The following DAAM1 variants were observed in gnomAD, a reference collection of about 807,000 sequenced individuals.
DAAM1 encodes the protein disheveled-associated activator of morphogenesis 1.
DAAM1 carries 52 observed loss-of-function variants against 130.0 expected under a neutral mutation model. The observed-to-expected ratio is 0.40, with a 90% confidence interval of 0.32 to 0.50. The LOEUF is 0.50. DAAM1 is among the 20% of genes least tolerant of loss of function. The pLI is 0.61. For synonymous variants in DAAM1, 452 were observed against 444.5 expected (o/e 1.02, Z -0.21); for missense variants, 1,134 against 1,303.8 (o/e 0.87, Z 2.01).
At chr14:59,293,219 C>G (rs978341359) in intron 3 of DAAM1, among the ~76,000 whole-genome samples, 8 of 152,182 alleles carry the variant, frequency 5.3e-5, no homozygotes, top group African/African-American at 1.9e-4. Flanking sequence ...AAAATAGGAG[C>G]AGCTTACTGA....
intron 2 of DAAM1, among the ~76,000 whole-genome samples, chr14:59,269,335 A>G (rs1045163679): frequency 2.6e-5 from 4 of 152,218 alleles, no homozygotes; most frequent in Non-Finnish European, 5.9e-5. Flanking sequence ...TCTTGGGAAC[A>G]TGCACAGCTC....
chr14:59,295,955 G>A (rs1316610655), intron 3 of DAAM1, among the ~76,000 whole-genome samples: 2 of 152,084 alleles, frequency 1.3e-5, no homozygotes, highest in Non-Finnish European at 2.9e-5. Context: ...TTTGGGAGAG[G>A]GAACCAGTAA....
rs538192178 is a variant in DAAM1, at chr14:59,287,506, G to A, written c.184-3711G>A. On this transcript the variant is annotated intron_variant, in intron 2 of 24. Coordinates refer to ENST00000360909, the MANE Select transcript of DAAM1 (RefSeq NM_001270520.2). ...AAGTCAAACTGTGTCTCTTTATGAT[G>A]TGTTTCTATACCTAGAAAACCCCAT... Among the ~76,000 whole-genome samples the A allele has an allele frequency of 1.2e-4, 18 of 152,128 alleles. No individual in the cohort carries two copies. In the South Asian group the frequency reaches 2.5e-3, roughly 21 times the overall value.
intron 4 of DAAM1, among the ~76,000 whole-genome samples, chr14:59,317,818 A>G (rs1884847406): frequency 6.6e-6 from 1 of 152,092 alleles, no homozygotes; most frequent in African/African-American, 2.4e-5. Flanking sequence ...CTCCTTTCCA[A>G]TTTGCCTCTC....
In DAAM1 at chr14:59,262,653, A is replaced by AGTGTGT. The variant is rs5809025; in HGVS notation, c.-37-747_-37-742dup. 8.8e-3 allele frequency among the ~76,000 whole-genome samples: 1,237 copies of AGTGTGT among 140,812 alleles called. 11 individuals carry two copies. Among genetic ancestry groups the AGTGTGT allele is most frequent in the African/African-American group, 0.01 (390 of 38,590 alleles). 92.4% of individuals were successfully genotyped at this position (140,812 alleles called of 152,430 possible). A position where few individuals can be genotyped will look rare whatever the true frequency, so the allele number is the denominator to read the frequency against. Reference sequence around the variant, plus strand: ...TTAAATGAGTGTATAATATTCTATTAGTGTGTGTGTGTGTGTGTGTGTGTG... The same window carrying AGTGTGT: ...TTAAATGAGTGTATAATATTCTATTAGTGTGTGTGTGTGTGTGTGTGTGTGTGTGTG... On this transcript the variant is annotated intron_variant, in intron 1 of 24. Coordinates refer to ENST00000360909, the MANE Select transcript of DAAM1 (RefSeq NM_001270520.2).
chr14:59,262,688 G>A (rs867060282), intron 1 of DAAM1, among the ~76,000 whole-genome samples: 104 of 126,604 alleles, frequency 8.2e-4, no homozygotes, highest in African/African-American at 3.6e-3. Flanking sequence ...GTGTGTGTGT[G>A]TGTGTGTGTG....
At chr14:59,194,045 G>A (rs867864089) in intron 1 of DAAM1, among the ~76,000 whole-genome samples, 15 of 150,690 alleles carry the variant, frequency 1.0e-4, no homozygotes, top group South Asian at 8.3e-4. Flanking sequence ...GCACAGAGAA[G>A]TTAAAGAACT....
chr14:59,363,871 C>T, intron 23 of DAAM1, 89 bp downstream of exon 23: 1 of 1,548,904 alleles, frequency 6.5e-7, no homozygotes, highest in South Asian at 1.2e-5. Flanking sequence ...CGGGAAATAG[C>T]AGGAGTGAGA....
intron 2 of DAAM1, among the ~76,000 whole-genome samples, chr14:59,282,394 A>G (rs906685786): frequency 6.6e-6 from 1 of 152,224 alleles, no homozygotes; most frequent in Non-Finnish European, 1.5e-5. Context: ...TATCAGGAAT[A>G]TATGACTATT....
At chr14:59,242,819 G>T (rs886874294) in intron 1 of DAAM1, among the ~76,000 whole-genome samples, 4 of 152,146 alleles carry the variant, frequency 2.6e-5, no homozygotes, top group Non-Finnish European at 4.4e-5. Flanking sequence ...CTCCCAAAGT[G>T]CTGGGATTAC....
At position 59,331,299 on chromosome 14, in the gene DAAM1, C is replaced by T. The variant is rs1566707873; in HGVS notation, c.1651C>T (p.Pro551Ser). 1 of 1,611,650 alleles carries T rather than the reference C, an allele frequency of 6.2e-7. No individual in the cohort carries two copies. The change falls in exon 14 of 25, where the codon CCC becomes TCC. Residue 551 changes from proline (P) to serine (S), a missense_variant. Pro to Ser is a moderately conservative substitution (Grantham distance 74). Transcript: ENST00000360909. ...PSSVPGSLLP[P>S]PPPPPLPGGM... ...CTCTGTGCCTGGATCTCTCCTTCCT[C>T]CCCCACCACCCCCACCTCTACCAGG... is the stretch of plus-strand genomic sequence containing the variant.
chr14:59,331,199 A>C lies in DAAM1; in HGVS notation c.1561-10A>C, dbSNP rs372053690. ...CATTGATCTTTCTTTTCCTATTTTTATCTTTTCAGAGGGCCGTCTGTGCTT... is the reference window on the plus strand; with the variant it reads ...CATTGATCTTTCTTTTCCTATTTTTCTCTTTTCAGAGGGCCGTCTGTGCTT... On this transcript the variant is annotated splice_polypyrimidine_tract_variant and intron_variant, in intron 13 of 24. Transcript: ENST00000360909. 2.7e-5 allele frequency: 44 copies of C among 1,610,800 alleles called. No individual in the cohort carries two copies. In the South Asian group the frequency reaches 3.3e-4, roughly 12 times the overall value.
intron 3 of DAAM1, among the ~76,000 whole-genome samples, chr14:59,297,209 C>T (rs965919325): frequency 1.3e-5 from 2 of 152,130 alleles, no homozygotes; most frequent in African/African-American, 4.8e-5. Flanking sequence ...ACTTTGCTGC[C>T]CTGTTCCCAC....
intron 2 of DAAM1, among the ~76,000 whole-genome samples, chr14:59,275,403 A>G (rs1037154500): frequency 1.3e-5 from 2 of 152,082 alleles, no homozygotes; most frequent in Non-Finnish European, 2.9e-5. Flanking sequence ...TACCTATACA[A>G]CAAACCTGCA....
At chr14:59,305,004 C>T (rs1884318791) in intron 3 of DAAM1, among the ~76,000 whole-genome samples, 2 of 152,186 alleles carry the variant, frequency 1.3e-5, no homozygotes, top group Non-Finnish European at 2.9e-5. Context: ...TACAGAACAT[C>T]AAAACCTACT....
intron 1 of DAAM1, among the ~76,000 whole-genome samples, chr14:59,192,031 A>G (rs1314806048): frequency 6.6e-6 from 1 of 152,138 alleles, no homozygotes; most frequent in Non-Finnish European, 1.5e-5. Context: ...AGGTGTGATA[A>G]TGAAGAGGGT....
At chr14:59,228,448 T>C (rs1889008672) in intron 1 of DAAM1, among the ~76,000 whole-genome samples, 1 of 152,224 alleles carries the variant, frequency 6.6e-6, no homozygotes, top group Non-Finnish European at 1.5e-5. Flanking sequence ...AAATTGTATT[T>C]TTACTATTGG....
intron 23 of DAAM1, 117 bp from the exon 24 acceptor site, chr14:59,367,312 A>T: frequency 6.9e-7 from 1 of 1,440,760 alleles, no homozygotes; most frequent in Non-Finnish European, 9.1e-7. Context: ...ATAAAAATAA[A>T]TGAGCAAACA....
At chr14:59,257,388 A>G (rs1017773177) in intron 1 of DAAM1, among the ~76,000 whole-genome samples, 1 of 151,854 alleles carries the variant, frequency 6.6e-6, no homozygotes, top group Non-Finnish European at 1.5e-5. Context: ...TAAAAAAAAA[A>G]AGGCACTCAA....
Sources: gnomAD v4.1 joint callset for allele counts (sites outside exome capture counted in the v4.1 genomes callset) on GRCh38, gnomAD v4.1.1 for gene constraint, MANE v1.5 for transcripts, NCBI Gene and HGNC (gene_info 2026-07-23, HGNC 2026-07-21) for gene names.